The following ASTN2 variants were observed in gnomAD, a reference collection of about 807,000 sequenced individuals.
ASTN2 encodes astrotactin-2.
In ASTN2, 54 loss-of-function variants were observed where a neutral mutation model predicts 139.8. That is an observed-to-expected ratio of 0.39 (90% CI 0.31 to 0.48). ASTN2 has a LOEUF of 0.48. Ranked by LOEUF, ASTN2 falls within the 20% of genes least tolerant of loss-of-function variation. ASTN2 has a pLI of 0.95. For missense variants in ASTN2, 1,565 were observed against 1,725.1 expected (o/e 0.91, Z 1.64); for synonymous variants, 756 against 719.5 (o/e 1.05, Z -0.81).
rs573944654 is a variant in ASTN2, at chr9:117,012,432, C to T, written c.1424-4173G>A. Reference sequence around the variant, plus strand: ...TAACTTTGTGCCAAATTTAATGTAACCATTTACCCAACGTTGATTAAACTC... The same window carrying T: ...TAACTTTGTGCCAAATTTAATGTAATCATTTACCCAACGTTGATTAAACTC... On this transcript the variant is annotated intron_variant, in intron 6 of 22. Coordinates refer to ENST00000313400, the MANE Select transcript of ASTN2 (RefSeq NM_001365068.1). Among the ~76,000 whole-genome samples, 11 of 152,242 alleles carry T rather than the reference C, an allele frequency of 7.2e-5. No individual in the cohort carries two copies. The South Asian group carries it at 2.3e-3, about 32-fold the overall frequency.
At chr9:116,847,184 C>T (rs1832464892) in intron 11 of ASTN2, among the ~76,000 whole-genome samples, 2 of 152,112 alleles carry the variant, frequency 1.3e-5, no homozygotes, top group Non-Finnish European at 2.9e-5. Context: ...GGCACAATCT[C>T]GGCTCACTGC....
chr9:117,395,359 G>A (rs562904485), intron 1 of ASTN2, among the ~76,000 whole-genome samples: 4 of 152,202 alleles, frequency 2.6e-5, no homozygotes, highest in African/African-American at 9.7e-5. Flanking sequence ...AAAAAAACAT[G>A]CTGGGGAAGT....
chr9:117,026,137 C>A (rs150972295), intron 6 of ASTN2, among the ~76,000 whole-genome samples: 1 of 151,720 alleles, frequency 6.6e-6, no homozygotes. Flanking sequence ...AATATGTAGC[C>A]AAGAAGTAGG....
chr9:116,855,373 T>G (rs1182478103), intron 11 of ASTN2, among the ~76,000 whole-genome samples: 1 of 138,672 alleles, frequency 7.2e-6, no homozygotes, highest in Non-Finnish European at 1.6e-5. Context: ...TTGAGTCCTG[T>G]GTGCAGGCAT....
intron 5 of ASTN2, among the ~76,000 whole-genome samples, chr9:117,072,078 G>A (rs957863821): frequency 6.6e-6 from 1 of 152,138 alleles, no homozygotes; most frequent in African/African-American, 2.4e-5. Flanking sequence ...CAATTGCACA[G>A]GTAGTAAGTC....
At chr9:116,475,452 G>A (rs1371904422) in intron 20 of ASTN2, among the ~76,000 whole-genome samples, 1 of 151,988 alleles carries the variant, frequency 6.6e-6, no homozygotes, top group Non-Finnish European at 1.5e-5. Context: ...CCAGCCCACT[G>A]AAGGCCAGTA....
chr9:117,088,254 C>A (rs1828618306), intron 5 of ASTN2, among the ~76,000 whole-genome samples: 2 of 152,138 alleles, frequency 1.3e-5, no homozygotes, highest in African/African-American at 2.4e-5. Context: ...AATTTGGGCT[C>A]TACTCAGTTC....
At chr9:116,729,614 G>C (rs1828725221) in intron 14 of ASTN2, among the ~76,000 whole-genome samples, 1 of 152,208 alleles carries the variant, frequency 6.6e-6, no homozygotes, top group East Asian at 1.9e-4. Flanking sequence ...GAGTTGAGCA[G>C]TTGCAATACA....
chr9:116,790,653 GTCT>G (rs1278275482), intron 13 of ASTN2, among the ~76,000 whole-genome samples: 6 of 150,992 alleles, frequency 4.0e-5, no homozygotes, highest in East Asian at 2.0e-4. Flanking sequence ...GACGTCAACT[GTCT>G]TCTTCTCTTT....
rs961152409 is a variant in ASTN2, at chr9:116,936,202, A to G, written c.1889+39006T>C. Among the ~76,000 whole-genome samples, 12 of 144,916 alleles carry G rather than the reference A, an allele frequency of 8.3e-5. No homozygotes were observed. The Middle Eastern group carries it at 0.014, about 170-fold the overall frequency. On this transcript the variant is annotated intron_variant, in intron 10 of 22. Transcript: ENST00000313400. ...CATCGCCACCACCAGTACCACAACC[A>G]TCACCATCACCACCACCACCACTAC...
At chr9:117,028,899 G>A (rs1035698316) in intron 6 of ASTN2, among the ~76,000 whole-genome samples, 6 of 152,152 alleles carry the variant, frequency 3.9e-5, no homozygotes, top group African/African-American at 1.2e-4. Context: ...CTGGGGCAGG[G>A]AAGAATCTTA....
At chr9:117,387,569 G>A (rs1830430654) in intron 1 of ASTN2, among the ~76,000 whole-genome samples, 1 of 152,160 alleles carries the variant, frequency 6.6e-6, no homozygotes, top group Non-Finnish European at 1.5e-5. Context: ...AAGGCCAAGA[G>A]GCAGAAGTGG....
chr9:116,746,939 C>G (rs900345607), intron 13 of ASTN2, among the ~76,000 whole-genome samples: 2 of 152,156 alleles, frequency 1.3e-5, no homozygotes, highest in Non-Finnish European at 2.9e-5. Flanking sequence ...CAATAAATTG[C>G]TGAATGTCTC....
At chr9:116,758,370 G>T (rs980777524) in intron 13 of ASTN2, among the ~76,000 whole-genome samples, 2 of 152,176 alleles carry the variant, frequency 1.3e-5, no homozygotes, top group African/African-American at 4.8e-5. Flanking sequence ...GCCATGCCAG[G>T]AGAGTGCCAG....
At chr9:117,196,912 T>G (rs12554915) in intron 3 of ASTN2, among the ~76,000 whole-genome samples, 1 of 151,850 alleles carries the variant, frequency 6.6e-6, no homozygotes, top group Non-Finnish European at 1.5e-5. Context: ...CAGCTCCCCT[T>G]GAGAGAATAA....
At chr9:117,206,181 G>T (rs1831915242) in intron 3 of ASTN2, among the ~76,000 whole-genome samples, 1 of 152,196 alleles carries the variant, frequency 6.6e-6, no homozygotes, top group South Asian at 2.1e-4. Context: ...TGCAGCAGAA[G>T]AGTGGAGAAG....
At chr9:116,848,630 A>G (rs958873632) in intron 11 of ASTN2, among the ~76,000 whole-genome samples, 3 of 152,168 alleles carry the variant, frequency 2.0e-5, no homozygotes, top group Admixed American at 2.0e-4. Context: ...TTCCTCATAC[A>G]ACAACCATGT....
At chr9:116,489,050 T>C (rs1007724867) in intron 19 of ASTN2, among the ~76,000 whole-genome samples, 1 of 152,188 alleles carries the variant, frequency 6.6e-6, no homozygotes, top group Non-Finnish European at 1.5e-5. Flanking sequence ...TCTTCATGCC[T>C]GATAGAGAGT....
At chr9:116,449,475 A>G (rs1848109591) in intron 20 of ASTN2, among the ~76,000 whole-genome samples, 1 of 152,226 alleles carries the variant, frequency 6.6e-6, no homozygotes, top group Admixed American at 6.5e-5. Context: ...TGTTAGAGGA[A>G]TAAAGTTTAT....
Sources: allele counts gnomAD v4.1 joint callset (sites outside exome capture counted in the v4.1 genomes callset), GRCh38; gene constraint gnomAD v4.1.1; transcripts MANE v1.5; gene names NCBI Gene and HGNC (gene_info 2026-07-23, HGNC 2026-07-21).